TNFRSF11A: variants seen among roughly 807,000 people sequenced by gnomAD.
The protein encoded by TNFRSF11A is tumor necrosis factor receptor superfamily member 11A.
A neutral mutation model predicts 55.7 loss-of-function variants in TNFRSF11A; 32 were observed. The ratio of observed to expected loss-of-function variants is 0.57; its 90% confidence interval spans 0.43 to 0.77. The LOEUF (loss-of-function observed/expected upper bound fraction) is 0.77. TNFRSF11A is among the 30% of genes least tolerant of loss of function. The pLI is 0.00. For synonymous variants in TNFRSF11A, 311 were observed against 331.0 expected, an observed-to-expected ratio of 0.94 and a Z score of 0.65; for missense variants, 753 against 809.8, an observed-to-expected ratio of 0.93 and a Z score of 0.85.
intron 1 of TNFRSF11A, among the ~76,000 whole-genome samples, chr18:62,343,192 A>G (rs1165532362): frequency 2.0e-5 from 3 of 152,224 alleles, no homozygotes; most frequent in Non-Finnish European, 1.5e-5. Context: ...CTGAAGTTAT[A>G]GCCAAATTCT....
intron 7 of TNFRSF11A, among the ~76,000 whole-genome samples, chr18:62,362,517 C>T (rs909971639): frequency 1.5e-5 from 2 of 137,430 alleles, no homozygotes; most frequent in African/African-American, 2.7e-5. Flanking sequence ...AAAAAAAGAA[C>T]CTTCGATTAT....
At chr18:62,365,310 T>G (rs531050912) in intron 7 of TNFRSF11A, among the ~76,000 whole-genome samples, 3 of 152,330 alleles carry the variant, frequency 2.0e-5, no homozygotes, top group African/African-American at 7.2e-5. Context: ...TCATTAGAAG[T>G]GGGATAAAAT....
At chr18:62,380,523 G>A (rs1238143238) in intron 9 of TNFRSF11A, among the ~76,000 whole-genome samples, 2 of 146,148 alleles carry the variant, frequency 1.4e-5, no homozygotes, top group African/African-American at 2.6e-5. Context: ...TGCAAGCTCC[G>A]CCTCCTGGGT....
At chr18:62,348,136 G>A (rs376341496) in intron 1 of TNFRSF11A, 32 bp from the exon 2 acceptor site, 48 of 1,547,616 alleles carry the variant, frequency 3.1e-5, no homozygotes, top group Non-Finnish European at 4.1e-5. Context: ...GAGCTGTGTG[G>A]ACTCTCTGCC....
chr18:62,371,842 C>T (rs1411274088), intron 9 of TNFRSF11A, among the ~76,000 whole-genome samples: 1 of 152,200 alleles, frequency 6.6e-6, no homozygotes, highest in South Asian at 2.1e-4. Flanking sequence ...GCTGGAGCTT[C>T]GGTGAGCAGT....
At chr18:62,355,227 C>T (rs551922744) in intron 4 of TNFRSF11A, among the ~76,000 whole-genome samples, 81 of 152,104 alleles carry the variant, frequency 5.3e-4, no homozygotes, top group African/African-American at 1.9e-3. Flanking sequence ...TTTTCACATT[C>T]GAATATGCAC....
At chr18:62,335,657 A>G (rs753246246) in intron 1 of TNFRSF11A, among the ~76,000 whole-genome samples, 1 of 152,190 alleles carries the variant, frequency 6.6e-6, no homozygotes, top group Non-Finnish European at 1.5e-5. Context: ...TTCAGTCCTT[A>G]TTAGAAAAGA....
chr18:62,343,077 G>A (rs1033034381), intron 1 of TNFRSF11A, among the ~76,000 whole-genome samples: 1 of 152,162 alleles, frequency 6.6e-6, no homozygotes, highest in African/African-American at 2.4e-5. Flanking sequence ...CAGGACAGCA[G>A]GGCTGTTAAG....
intron 9 of TNFRSF11A, chr18:62,374,140 T>A (rs1910738961): frequency 1.3e-5 from 2 of 152,366 alleles, no homozygotes; most frequent in South Asian, 4.1e-4. Context: ...AATATTCAGC[T>A]TTCATTGCTG....
chr18:62,348,294 G>T, intron 2 of TNFRSF11A, 45 bp downstream of exon 2: 4 of 1,550,926 alleles, frequency 2.6e-6, no homozygotes, highest in Non-Finnish European at 3.6e-6. Flanking sequence ...TCAAAAGTGG[G>T]TGAGGCTTTC....
chr18:62,370,923 G>A (rs978711272), intron 9 of TNFRSF11A, among the ~76,000 whole-genome samples: 3 of 151,612 alleles, frequency 2.0e-5, no homozygotes, highest in Non-Finnish European at 2.9e-5. Context: ...TCCACCTCTC[G>A]GGTTCAAGCA....
chr18:62,331,234 TAAA>T (rs949837231), intron 1 of TNFRSF11A, among the ~76,000 whole-genome samples: 11 of 151,706 alleles, frequency 7.3e-5, no homozygotes, highest in Non-Finnish European at 1.3e-4. Flanking sequence ...AGTAAATAAA[TAAA>T]TAAATAAATA....
chr18:62,339,978 AC>A (rs1423022552), intron 1 of TNFRSF11A, among the ~76,000 whole-genome samples: 1 of 151,982 alleles, frequency 6.6e-6, no homozygotes, highest in African/African-American at 2.4e-5. Context: ...ACTTTTTATC[AC>A]TAGATAGACA....
At chr18:62,331,918 A>G (rs192718202) in intron 1 of TNFRSF11A, among the ~76,000 whole-genome samples, 7 of 152,348 alleles carry the variant, frequency 4.6e-5, no homozygotes, top group African/African-American at 1.7e-4. Context: ...GGCACCAGCA[A>G]AGGGACAGAG....
chr18:62,335,129 A>ATT lies in TNFRSF11A; in HGVS notation c.75+9717_75+9718dup, dbSNP rs11289576. 1.8e-4 allele frequency among the ~76,000 whole-genome samples: 25 copies of ATT among 140,776 alleles called. No individual in the cohort carries two copies. The East Asian group carries it at 2.4e-3, about 14-fold the overall frequency. The allele number at this position is 140,776 out of a possible 152,430, so 92.4% of individuals were successfully genotyped here. Reference sequence around the variant, plus strand: ...CTGTGACCAAGCCACTGGGGTCGGAATTTTTTTTTTTTTTTTGTTACCCAG... The same window carrying ATT: ...CTGTGACCAAGCCACTGGGGTCGGAATTTTTTTTTTTTTTTTTTGTTACCCAG... On this transcript the variant is annotated intron_variant, in intron 1 of 9. Transcript: ENST00000586569.
chr18:62,353,226 C>A (rs1306040979), intron 3 of TNFRSF11A, among the ~76,000 whole-genome samples: 1 of 152,212 alleles, frequency 6.6e-6, no homozygotes. Flanking sequence ...AAACTTGTTT[C>A]ATGTGTGTTT....
intron 4 of TNFRSF11A, 109 bp from the exon 5 acceptor site, chr18:62,358,139 C>T: frequency 1.0e-6 from 1 of 999,216 alleles, no homozygotes; most frequent in Non-Finnish European, 1.6e-6. Context: ...CAGAGAGGGG[C>T]AGCGCCTCAC....
In TNFRSF11A at chr18:62,369,105, A is replaced by G; in HGVS notation, c.1188A>G (p.Thr396=). The change falls in exon 9 of 10, where the codon ACA becomes ACG. Residue 396 remains threonine (T), a synonymous_variant. Coordinates refer to ENST00000586569, the MANE Select transcript of TNFRSF11A (RefSeq NM_003839.4). The part of the protein sequence containing the change: ...LSQCFTGTQS[T]VGSESCNCTE... ...AGTGCTTCACGGGGACACAGAGCAC[A>G]GTGGGTTCAGAAAGCTGCAACTGCA... is the stretch of plus-strand genomic sequence containing the variant. The G allele has an allele frequency of 6.2e-7, 1 of 1,614,114 alleles. No individual in the cohort carries two copies.
chr18:62,340,941 G>A (rs979031489), intron 1 of TNFRSF11A, among the ~76,000 whole-genome samples: 1 of 152,240 alleles, frequency 6.6e-6, no homozygotes, highest in South Asian at 2.1e-4. Flanking sequence ...GCGCCTATGC[G>A]ATGTTGTTCT....
Sources: allele counts gnomAD v4.1 joint callset (sites outside exome capture counted in the v4.1 genomes callset), GRCh38; gene constraint gnomAD v4.1.1; transcripts MANE v1.5; gene names NCBI Gene and HGNC (gene_info 2026-07-23, HGNC 2026-07-21).